The following ADAM18 variants were observed in gnomAD, a reference collection of about 807,000 sequenced individuals.
ADAM18 encodes the protein ADAM metallopeptidase domain 18, also known as disintegrin and metalloproteinase domain-containing protein 18.
ADAM18 carries 117 observed loss-of-function variants against 94.4 expected under a neutral mutation model. That is an observed-to-expected ratio of 1.24 (90% confidence interval 1.07 to 1.45). The LOEUF is 1.45. ADAM18 is among the 40% of genes most tolerant of loss of function. The probability of loss-of-function intolerance (pLI) is 0.00; values close to 1 mark genes in which losing one functional copy is unlikely to be tolerated. For missense variants in ADAM18, 936 were observed against 880.0 expected, an observed-to-expected ratio of 1.06 and a Z score of -0.81; for synonymous variants, 327 against 291.6, an observed-to-expected ratio of 1.12 and a Z score of -1.24.
chr8:39,643,610 G>C (rs1249822892), intron 10 of ADAM18, among the ~76,000 whole-genome samples: 1 of 151,960 alleles, frequency 6.6e-6, no homozygotes, highest in East Asian at 1.9e-4. Context: ...AAATCAAAAT[G>C]AACAGAGTGG....
chr8:39,709,598 A>G (rs147778016), intron 18 of ADAM18, among the ~76,000 whole-genome samples: 19 of 152,256 alleles, frequency 1.2e-4, no homozygotes, highest in African/African-American at 4.3e-4. Flanking sequence ...TATTGATTCA[A>G]TTATTCATTC....
intron 12 of ADAM18, among the ~76,000 whole-genome samples, chr8:39,660,087 A>G (rs1358441870): frequency 6.6e-6 from 1 of 152,132 alleles, no homozygotes; most frequent in Non-Finnish European, 1.5e-5. Context: ...ACCACAACGC[A>G]AAAAACTATG....
At chr8:39,679,519 A>G (rs1330737981) in intron 15 of ADAM18, among the ~76,000 whole-genome samples, 2 of 152,190 alleles carry the variant, frequency 1.3e-5, no homozygotes, top group African/African-American at 2.4e-5. Flanking sequence ...TTTTTAACAG[A>G]TAAGTTAAAT....
At chr8:39,663,085 C>A (rs1820887997) in intron 12 of ADAM18, among the ~76,000 whole-genome samples, 1 of 152,056 alleles carries the variant, frequency 6.6e-6, no homozygotes, top group Non-Finnish European at 1.5e-5. Context: ...CAATTGGAAT[C>A]CTTAGTAAAC....
At chr8:39,714,932 G>A (rs963586662) in intron 18 of ADAM18, among the ~76,000 whole-genome samples, 1 of 152,046 alleles carries the variant, frequency 6.6e-6, no homozygotes, top group African/African-American at 2.4e-5. Flanking sequence ...TGTTAAGTGA[G>A]AATTTACTGT....
chr8:39,601,875 C>T (rs1176375906), intron 2 of ADAM18, among the ~76,000 whole-genome samples: 2 of 152,072 alleles, frequency 1.3e-5, no homozygotes, highest in African/African-American at 4.8e-5. Context: ...CTTTTTGTTT[C>T]CATGATTTTG....
intron 14 of ADAM18, among the ~76,000 whole-genome samples, chr8:39,670,901 G>C (rs1821135527): frequency 6.6e-6 from 1 of 152,172 alleles, no homozygotes; most frequent in South Asian, 2.1e-4. Context: ...TGAGGTGGGG[G>C]TTTTATACAA....
intron 2 of ADAM18, among the ~76,000 whole-genome samples, chr8:39,603,486 C>T (rs541141157): frequency 1.4e-4 from 21 of 152,280 alleles, no homozygotes; most frequent in African/African-American, 5.1e-4. Flanking sequence ...AGCAATAAAT[C>T]ATTTTTTAAC....
At chr8:39,615,290 A>G (rs1185722198) in intron 6 of ADAM18, among the ~76,000 whole-genome samples, 1 of 152,146 alleles carries the variant, frequency 6.6e-6, no homozygotes, top group Non-Finnish European at 1.5e-5. Flanking sequence ...AGAAGTTCAC[A>G]CCAAGAAGAT....
intron 17 of ADAM18, among the ~76,000 whole-genome samples, chr8:39,698,561 T>C (rs2129581035): frequency 6.6e-6 from 1 of 152,142 alleles, no homozygotes; most frequent in African/African-American, 2.4e-5. Context: ...GTGTTCTTTG[T>C]TGATTACATT....
intron 17 of ADAM18, among the ~76,000 whole-genome samples, chr8:39,702,460 C>A (rs1387793369): frequency 1.3e-5 from 2 of 152,092 alleles, no homozygotes; most frequent in East Asian, 3.9e-4. Flanking sequence ...CTGTTGATAG[C>A]TTCTTTTGCT....
At chr8:39,628,301 A>G (rs1819829614) in intron 6 of ADAM18, among the ~76,000 whole-genome samples, 1 of 151,962 alleles carries the variant, frequency 6.6e-6, no homozygotes, top group South Asian at 2.1e-4. Flanking sequence ...ACAAAATTGC[A>G]GTATACATGT....
intron 17 of ADAM18, among the ~76,000 whole-genome samples, chr8:39,695,299 T>A (rs1314104282): frequency 6.6e-6 from 1 of 151,598 alleles, no homozygotes; most frequent in Non-Finnish European, 1.5e-5. Context: ...TGTTTAGTTT[T>A]GTAGGAAATT....
chr8:39,632,548 G>GTAAATTTTACAAGTAAA (rs1819958069), intron 7 of ADAM18, among the ~76,000 whole-genome samples: 1 of 151,948 alleles, frequency 6.6e-6, no homozygotes, highest in African/African-American at 2.4e-5. Context: ...CAAGTAACCT[G>GTAAATTTTACAAGTAAA]ATCTTTTATT....
chr8:39,590,630 C>G (rs1334303661), intron 2 of ADAM18, among the ~76,000 whole-genome samples: 1 of 152,050 alleles, frequency 6.6e-6, no homozygotes, highest in East Asian at 1.9e-4. Flanking sequence ...TGCTATCATT[C>G]CTTTTGGCTC....
intron 9 of ADAM18, 117 bp from the exon 10 acceptor site, chr8:39,638,348 A>C: frequency 1.8e-6 from 1 of 566,454 alleles, no homozygotes; most frequent in Admixed American, 3.6e-5. Context: ...CCTAGTTTGA[A>C]GCTTTATATA....
intron 12 of ADAM18, among the ~76,000 whole-genome samples, chr8:39,661,130 A>G (rs940099827): frequency 1.3e-5 from 2 of 150,418 alleles, no homozygotes; most frequent in African/African-American, 4.9e-5. Context: ...AAAAAAAACC[A>G]AAAAACAACT....
At chr8:39,686,150 C>T (rs912163734) in intron 16 of ADAM18, among the ~76,000 whole-genome samples, 4 of 152,164 alleles carry the variant, frequency 2.6e-5, no homozygotes, top group Non-Finnish European at 5.9e-5. Flanking sequence ...CACTTCCAAA[C>T]CTTTTTCAGC....
intron 16 of ADAM18, among the ~76,000 whole-genome samples, chr8:39,690,429 G>T (rs935637097): frequency 1.3e-5 from 2 of 152,156 alleles, no homozygotes; most frequent in Admixed American, 1.3e-4. Flanking sequence ...AATGTCATAG[G>T]TGGGAGGTGC....
Sources: gnomAD v4.1 joint callset for allele counts (sites outside exome capture counted in the v4.1 genomes callset) on GRCh38, gnomAD v4.1.1 for gene constraint, MANE v1.5 for transcripts, NCBI Gene and HGNC (gene_info 2026-07-23, HGNC 2026-07-21) for gene names.